CADPS: variants seen among roughly 807,000 people sequenced by gnomAD.
CADPS encodes calcium-dependent secretion activator 1.
CADPS carries 57 observed loss-of-function variants against 167.3 expected under a neutral mutation model. That is an observed-to-expected ratio of 0.34 (90% CI 0.28 to 0.42). The LOEUF (loss-of-function observed/expected upper bound fraction) is 0.42. Among genes scored for constraint, CADPS ranks in the 20% least tolerant of loss-of-function variants. The pLI is 1.00. For missense variants in CADPS, 1,414 were observed against 1,738.1 expected, an observed-to-expected ratio of 0.81 and a Z score of 3.32; for synonymous variants, 676 against 635.3, an observed-to-expected ratio of 1.06 and a Z score of -0.96.
intron 12 of CADPS, among the ~76,000 whole-genome samples, chr3:62,534,679 T>A (rs900460586): frequency 3.9e-5 from 6 of 152,086 alleles, no homozygotes; most frequent in Admixed American, 3.3e-4. Context: ...CACAGAAAAA[T>A]TTATGTATCC....
At chr3:62,811,312 C>G (rs2094383796) in intron 1 of CADPS, among the ~76,000 whole-genome samples, 1 of 152,122 alleles carries the variant, frequency 6.6e-6, no homozygotes, top group Non-Finnish European at 1.5e-5. Context: ...AATCTGTAAG[C>G]CAACATTCTC....
rs1002739541 is a variant in CADPS, at chr3:62,532,747, G to A, written c.2291+124C>T. The A allele has an allele frequency of 4.9e-6, 3 of 613,144 alleles. No individual in the cohort carries two copies. In the Middle Eastern group the frequency reaches 1.4e-3, roughly 281 times the overall value. The allele number at this position is 613,144 out of a possible 1,614,324, so 38.0% of individuals were successfully genotyped here. A position where few individuals can be genotyped will look rare whatever the true frequency, so the allele number is the denominator to read the frequency against. On this transcript the variant is annotated intron_variant, in intron 13 of 29. Coordinates refer to ENST00000383710, the MANE Select transcript of CADPS (RefSeq NM_003716.4). Reference sequence around the variant, plus strand: ...TGTGTGTGTGTGTGTGTGTGTGTGTGTGTACGTGTGCACATACCACCGAAG... The same window carrying A: ...TGTGTGTGTGTGTGTGTGTGTGTGTATGTACGTGTGCACATACCACCGAAG...
chr3:62,487,177 G>A (rs1243068163), intron 21 of CADPS, among the ~76,000 whole-genome samples: 1 of 152,230 alleles, frequency 6.6e-6, no homozygotes, highest in African/African-American at 2.4e-5. Flanking sequence ...ATGCCTGGAG[G>A]TGTTTAAGTA....
chr3:62,739,194 A>G (rs496184), intron 3 of CADPS, among the ~76,000 whole-genome samples: 60,637 of 151,950 alleles, frequency 0.4, 12,549 homozygotes, highest in African/African-American at 0.48. Context: ...CTTTTACTTA[A>G]AACCCTGTCC....
intron 28 of CADPS, among the ~76,000 whole-genome samples, chr3:62,427,875 A>G (rs563398761): frequency 3.7e-4 from 57 of 152,330 alleles, no homozygotes; most frequent in African/African-American, 1.4e-3. Context: ...TCTAAAAAAA[A>G]AATCTTTTTT....
intron 3 of CADPS, among the ~76,000 whole-genome samples, chr3:62,693,073 C>A (rs553025325): frequency 6.6e-6 from 1 of 152,006 alleles, no homozygotes; most frequent in Admixed American, 6.6e-5. Flanking sequence ...GCCCTGCTTA[C>A]AATTTCTCGT....
intron 27 of CADPS, among the ~76,000 whole-genome samples, chr3:62,444,782 TG>T (rs150124799): frequency 0.048 from 7,376 of 152,274 alleles, 326 homozygotes; most frequent in African/African-American, 0.11. Context: ...CTTAGCTTCC[TG>T]GGGAAATGAA....
chr3:62,721,882 C>G (rs1012562809), intron 3 of CADPS, among the ~76,000 whole-genome samples: 1 of 152,174 alleles, frequency 6.6e-6, no homozygotes, highest in Admixed American at 6.5e-5. Flanking sequence ...CATGCAGCCA[C>G]TAGTGTCAGA....
At chr3:62,519,684 A>G (rs529521541) in intron 13 of CADPS, among the ~76,000 whole-genome samples, 9 of 152,120 alleles carry the variant, frequency 5.9e-5, no homozygotes, top group Non-Finnish European at 1.3e-4. Flanking sequence ...CAGCAGTGTG[A>G]TCATAGCTCA....
chr3:62,754,398 G>C (rs1201504424), intron 2 of CADPS, among the ~76,000 whole-genome samples: 2 of 152,030 alleles, frequency 1.3e-5, no homozygotes, highest in African/African-American at 4.8e-5. Context: ...ATGTTGCCCA[G>C]GCTGGTCTCA....
At chr3:62,811,074 T>A (rs1165813590) in intron 1 of CADPS, among the ~76,000 whole-genome samples, 2 of 152,202 alleles carry the variant, frequency 1.3e-5, no homozygotes, top group Non-Finnish European at 2.9e-5. Context: ...GTTCTTAGCT[T>A]TCATCAAGCT....
intron 28 of CADPS, chr3:62,403,627 A>G (rs1707234973): frequency 6.6e-6 from 1 of 152,564 alleles, no homozygotes; most frequent in Non-Finnish European, 1.5e-5. Context: ...CCGTTTGAAA[A>G]TTCCACACCC....
rs11353455 is a variant in CADPS, at chr3:62,417,276, C to CTTTTT, written c.3778-14096_3778-14092dup. On this transcript the variant is annotated intron_variant, in intron 28 of 29. Coordinates refer to ENST00000383710, the MANE Select transcript of CADPS (RefSeq NM_003716.4). ...ACACAATAACTATTTTTCTTTTACT[C>CTTTTT]TTTTTTTTTTTTTTTTTTTTTTTTT... 2.2e-3 allele frequency among the ~76,000 whole-genome samples: 144 copies of CTTTTT among 64,044 alleles called. 66 individuals are homozygous for CTTTTT. The highest frequency in any genetic ancestry group is 4.8e-3 in the East Asian group (9 of 1,858). The allele number at this position is 64,044 out of a possible 152,430, so 42.0% of individuals were successfully genotyped here. A position where few individuals can be genotyped will look rare whatever the true frequency, so the allele number is the denominator to read the frequency against.
At chr3:62,625,186 T>A (rs1421124006) in intron 6 of CADPS, 1 of 149,962 alleles carries the variant, frequency 6.7e-6, no homozygotes, top group Non-Finnish European at 1.5e-5. Flanking sequence ...AGTTAATAAT[T>A]TTTTTTAAAG....
chr3:62,708,598 C>T (rs2082769027), intron 3 of CADPS, among the ~76,000 whole-genome samples: 1 of 152,018 alleles, frequency 6.6e-6, no homozygotes, highest in Admixed American at 6.5e-5. Context: ...AGAGCTATCT[C>T]TGTGGAGAGG....
chr3:62,778,688 T>A (rs7610305), intron 1 of CADPS, among the ~76,000 whole-genome samples: 35,372 of 152,120 alleles, frequency 0.23, 4,360 homozygotes, highest in Middle Eastern at 0.31. Flanking sequence ...TGGCTGGGAA[T>A]AGAAACCCAG....
intron 1 of CADPS, among the ~76,000 whole-genome samples, chr3:62,807,531 G>A (rs879719310): frequency 6.6e-6 from 1 of 151,784 alleles, no homozygotes; most frequent in Admixed American, 6.6e-5. Flanking sequence ...CAAAGTGCTG[G>A]GATTACAGGT....
chr3:62,599,620 A>C (rs2059430181), intron 6 of CADPS, among the ~76,000 whole-genome samples: 1 of 47,492 alleles, frequency 2.1e-5, no homozygotes, highest in Non-Finnish European at 3.6e-5. Flanking sequence ...ATTATATATA[A>C]TATATAATAT....
chr3:62,512,838 G>T, intron 16 of CADPS, 70 bp from the exon 17 acceptor site: 1 of 1,363,586 alleles, frequency 7.3e-7, no homozygotes, highest in East Asian at 2.4e-5. Flanking sequence ...GAATTAATGA[G>T]CAAGTGGACC....
Sources: allele counts gnomAD v4.1 joint callset (sites outside exome capture counted in the v4.1 genomes callset), GRCh38; gene constraint gnomAD v4.1.1; transcripts MANE v1.5; gene names NCBI Gene and HGNC (gene_info 2026-07-23, HGNC 2026-07-21).